The following COL5A3 variants were observed in gnomAD, a reference collection of about 807,000 sequenced individuals.
COL5A3 encodes collagen type V alpha 3 chain, also known as collagen alpha-3(V) chain.
Under a neutral mutation model 250.0 loss-of-function variants are expected in COL5A3, and 172 were observed. The ratio of observed to expected loss-of-function variants is 0.69; its 90% CI spans 0.61 to 0.78. COL5A3 has a LOEUF of 0.78. Ranked by LOEUF, COL5A3 falls within the 30% of genes least tolerant of loss-of-function variation. The pLI is 0.00. For missense variants in COL5A3, 2,340 were observed against 2,334.4 expected (o/e 1.00, Z -0.05); for synonymous variants, 937 against 900.4 (o/e 1.04, Z -0.73).
intron 12 of COL5A3, 37 bp from the exon 13 acceptor site, chr19:9,996,553 G>A (rs761824958): frequency 2.5e-6 from 4 of 1,613,404 alleles, no homozygotes; most frequent in South Asian, 2.2e-5. Context: ...GCCCCCAGGA[G>A]AGGCCCCCTC....
At chr19:9,999,604 A>G (rs1379578570) in intron 8 of COL5A3, among the ~76,000 whole-genome samples, 1 of 150,148 alleles carries the variant, frequency 6.7e-6, no homozygotes. Context: ...AGCTGGGACT[A>G]CAGGCGCCCG....
At chr19:9,994,946 T>C (rs1457264001) in intron 16 of COL5A3, among the ~76,000 whole-genome samples, 1 of 152,044 alleles carries the variant, frequency 6.6e-6, no homozygotes, top group African/African-American at 2.4e-5. Context: ...TGAGACACAA[T>C]CTCACTCTGC....
intron 8 of COL5A3, among the ~76,000 whole-genome samples, chr19:9,998,988 C>G (rs2145133130): frequency 6.6e-6 from 1 of 151,234 alleles, no homozygotes. Flanking sequence ...TTGGCTCCTT[C>G]CTTCCTTCCT....
intron 43 of COL5A3, 39 bp from the exon 44 acceptor site, chr19:9,977,321 A>G (rs1599542956): frequency 4.3e-6 from 7 of 1,610,844 alleles, no homozygotes; most frequent in Middle Eastern, 1.7e-4. Flanking sequence ...GCTTCCATTC[A>G]CCCCCATCCT....
intron 11 of COL5A3, chr19:9,997,038 A>G (rs754857764): frequency 5.0e-4 from 265 of 528,964 alleles, no homozygotes; most frequent in Non-Finnish European, 8.0e-4. Context: ...AGAGAGGCGA[A>G]CATAGAGAGA....
chr19:10,000,945 G>C (rs1457658506), intron 8 of COL5A3, among the ~76,000 whole-genome samples: 1 of 152,122 alleles, frequency 6.6e-6, no homozygotes, highest in Non-Finnish European at 1.5e-5. Flanking sequence ...TCGGAGGGTG[G>C]AGGGTGGGAG....
chr19:9,980,992 C>T lies in COL5A3; in HGVS notation c.2505+96G>A, dbSNP rs1402720473. The T allele has an allele frequency of 1.3e-5, 20 of 1,526,886 alleles. No homozygotes were observed. The Admixed American group carries it at 2.2e-4, about 17-fold the overall frequency. 94.6% of individuals were successfully genotyped at this position (1,526,886 alleles called of 1,614,324 possible). ...ACCAGGGACATTGATATAACCCAAA[C>T]CCTTTCCCTGCCCACAGATGACCTC... On this transcript the variant is annotated intron_variant, in intron 33 of 66. Coordinates refer to ENST00000264828, the MANE Select transcript of COL5A3 (RefSeq NM_015719.4).
Position 9,967,388 on chromosome 19 carries a change from G to A in COL5A3, c.4417C>T (p.Pro1473Ser), listed in dbSNP as rs909135475. ...GSKGSPGSMG[P>S]RGDTGPAGPP... ...CCTGCAGGTCCAGTGTCTCCACGGGGGCCCATGGACCCCTGTAGGGAGAAG... is the reference window on the plus strand; with the variant it reads ...CCTGCAGGTCCAGTGTCTCCACGGGAGCCCATGGACCCCTGTAGGGAGAAG... The change falls in exon 62 of 67, where the codon CCC (proline) becomes TCC (serine). Residue 1473 changes from proline to serine, a missense_variant. Pro to Ser is a moderately conservative substitution (Grantham distance 74). This residue lies in a region of COL5A3 where 1,179 missense variants were observed against 1,162.6 expected (regional missense o/e 1.01). Transcript: ENST00000264828. 5.4e-6 allele frequency: 8 copies of A among 1,480,394 alleles called. No individual in the cohort carries two copies. The highest frequency in any genetic ancestry group is 4.4e-5 in the African/African-American group (3 of 67,864). The allele number at this position is 1,480,394 out of a possible 1,614,324, so 91.7% of individuals were successfully genotyped here.
At position 9,971,183 on chromosome 19, in the gene COL5A3, T is replaced by C. The variant is rs529067564; in HGVS notation, c.3828+22A>G. ...GACAGAATTAGGAAATATGCCAGGA[T>C]TGGGGAGGGGGTCACACTCACTGAA... is the stretch of plus-strand genomic sequence containing the variant. On this transcript the variant is annotated intron_variant, in intron 52 of 66. Coordinates refer to ENST00000264828, the MANE Select transcript of COL5A3 (RefSeq NM_015719.4). 2.5e-5 allele frequency: 38 copies of C among 1,542,312 alleles called. 1 individual carries two copies. In the South Asian group the frequency reaches 3.7e-4, roughly 15 times the overall value.
rs2087367700 is a variant in COL5A3, at chr19:10,001,822, C to CT, written c.908_909insA (p.Pro304AlafsTer24). The CT allele has an allele frequency of 6.2e-7, 1 of 1,613,948 alleles. No homozygotes were observed. The highest frequency in any genetic ancestry group is 2.2e-5 in the East Asian group (1 of 44,886). On this transcript the variant is annotated frameshift_variant, in exon 7 of 67. Transcript: ENST00000264828. LOFTEE classifies it high-confidence loss of function. Reference sequence around the variant, plus strand: ...TCACAGTGGAGGTGACGACCAAAGGCGTGGGGGTCGGAGGCAGATTTGGAG... The same window carrying CT: ...TCACAGTGGAGGTGACGACCAAAGGCTGTGGGGGTCGGAGGCAGATTTGGAG...
intron 54 of COL5A3, among the ~76,000 whole-genome samples, chr19:9,970,144 G>A (rs2086811892): frequency 1.5e-5 from 1 of 67,270 alleles, no homozygotes; most frequent in Non-Finnish European, 3.1e-5. Context: ...TGGAGGCTGT[G>A]GGTGAGTGGG....
chr19:9,988,373 C>A (rs772129333), intron 27 of COL5A3, among the ~76,000 whole-genome samples: 34 of 152,200 alleles, frequency 2.2e-4, no homozygotes, highest in Non-Finnish European at 4.1e-4. Flanking sequence ...TTGTCTAATG[C>A]ACACATGTTC....
rs576119335 is a variant in COL5A3 at position 10,000,452 on chromosome 19, C to CTTTTTTTTTT, written c.1110+1062_1110+1071dup. 4.6e-3 allele frequency among the ~76,000 whole-genome samples: 289 copies of CTTTTTTTTTT among 62,792 alleles called. 22 individuals carry two copies. Among genetic ancestry groups the CTTTTTTTTTT allele is most frequent in the Non-Finnish European group, 5.8e-3 (202 of 34,592 alleles). 41.2% of individuals were successfully genotyped at this position (62,792 alleles called of 152,430 possible). On this transcript the variant is annotated intron_variant, in intron 8 of 66. Transcript: ENST00000264828. ...TGTGCCATTCAGCAGCCAGAGAGCTCTTTTTTTTTTTTTTTTTTTTTTTTT... is the reference window on the plus strand; with the variant it reads ...TGTGCCATTCAGCAGCCAGAGAGCTCTTTTTTTTTTTTTTTTTTTTTTTTTTTTTTTTTTT...
At chr19:9,979,296 G>T (rs2086970212) in intron 38 of COL5A3, 57 bp from the exon 39 acceptor site, 3 of 1,601,886 alleles carry the variant, frequency 1.9e-6, no homozygotes, top group Non-Finnish European at 1.7e-6. Flanking sequence ...TCGCTCAGGA[G>T]TCCAGCTTTC....
intron 8 of COL5A3, among the ~76,000 whole-genome samples, 169 bp from the exon 9 acceptor site, chr19:9,998,318 C>T (rs2087303530): frequency 6.6e-6 from 1 of 151,232 alleles, no homozygotes. Flanking sequence ...AGAAGCTCAG[C>T]CCCCCGCATC....
In COL5A3 at chr19:9,959,887, A is replaced by C. The variant is rs890982915; in HGVS notation, c.*524T>G. ...CAGGAAAAGAAACACAACCCAGTCA[A>C]GGGAAGTCCCTCTTCCCTCTGTAGT... On this transcript the variant is annotated 3_prime_UTR_variant, in exon 67 of 67. Transcript: ENST00000264828. 9 of 154,866 alleles carry C rather than the reference A, an allele frequency of 5.8e-5. No homozygotes were observed. The highest frequency in any genetic ancestry group is 2.2e-4 in the African/African-American group (9 of 41,356). The allele number at this position is 154,866 out of a possible 1,614,324, so 9.6% of individuals were successfully genotyped here.
chr19:9,982,202 C>A, intron 31 of COL5A3, 84 bp from the exon 32 acceptor site: 1 of 892,764 alleles, frequency 1.1e-6, no homozygotes, highest in Non-Finnish European at 1.7e-6. Context: ...TCCTTTGAGG[C>A]ATTTCCAGGT....
rs1315816855 is a variant in COL5A3 at position 9,989,146 on chromosome 19, T to C, written c.2123A>G (p.Tyr708Cys). Reference sequence around the variant, plus strand: ...TACCTTCACTCCCCGAGGTCCAGGATAGCCCGGAGGGCCTGCCGACCCTGG... The same window carrying C: ...TACCTTCACTCCCCGAGGTCCAGGACAGCCCGGAGGGCCTGCCGACCCTGG... ...GPPGSAGPPG[Y>C]PGPRGVKGTS... Residue 708 changes from tyrosine to cysteine, a missense_variant, in exon 27 of 67, where the codon TAT (tyrosine) becomes TGT (cysteine). Tyr to Cys is a radical substitution (Grantham distance 194). Around this residue, in one of 3 missense-constraint regions of COL5A3, gnomAD observed 1,152 missense variants for 1,146.3 expected, o/e 1.00. Transcript: ENST00000264828. 1 of 1,614,240 alleles carries C rather than the reference T, an allele frequency of 6.2e-7. No homozygotes were observed. The highest frequency in any genetic ancestry group is 1.1e-5 in the South Asian group (1 of 91,088).
chr19:10,003,448 G>A, intron 6 of COL5A3, 117 bp downstream of exon 6: 1 of 1,002,952 alleles, frequency 1.0e-6, no homozygotes, highest in East Asian at 2.4e-5. Context: ...ATAGATGAGG[G>A]ACCAGAGATT....
Sources: gnomAD v4.1 joint callset for allele counts (sites outside exome capture counted in the v4.1 genomes callset) on GRCh38, gnomAD v4.1.1 for gene constraint, gnomAD v4.1.1 regional missense constraint, MANE v1.5 for transcripts, NCBI Gene and HGNC (gene_info 2026-07-23, HGNC 2026-07-21) for gene names.